ZIK1: variants seen among roughly 807,000 people sequenced by gnomAD.
ZIK1 encodes the protein zinc finger protein interacting with K protein 1.
In ZIK1, 12 loss-of-function variants were observed where a neutral mutation model predicts 10.7. The ratio of observed to expected loss-of-function variants is 1.12; its 90% CI spans 0.72 to 1.81. The LOEUF (loss-of-function observed/expected upper bound fraction) is 1.81, where lower values mean the gene tolerates loss of function less well. Ranked by LOEUF, ZIK1 falls within the 40% of genes most tolerant of loss-of-function variation. ZIK1 has a pLI of 0.00. For synonymous variants in ZIK1, 190 were observed against 205.0 expected, an observed-to-expected ratio of 0.93 and a Z score of 0.63; for missense variants, 497 against 585.7, an observed-to-expected ratio of 0.85 and a Z score of 1.56.
rs866201411 is a variant in ZIK1, at chr19:57,591,755, C to T, written c.*480C>T. 1 of 157,874 alleles carries T rather than the reference C, an allele frequency of 6.3e-6. No homozygotes were observed. The highest frequency in any genetic ancestry group is 2.4e-5 in the African/African-American group (1 of 41,472). The allele number at this position is 157,874 out of a possible 1,614,324, so 9.8% of individuals were successfully genotyped here. On this transcript the variant is annotated 3_prime_UTR_variant, in exon 4 of 4. Transcript: ENST00000597850. ...GACACTTGGTCATTCTTCCAGCCTC[C>T]ATGTCACCACGTGGTGAATGGCTGC...
chr19:57,589,690 C>T, intron 3 of ZIK1: 1 of 985,406 alleles, frequency 1.0e-6, no homozygotes, highest in Non-Finnish European at 1.2e-6. Context: ...AGACAAGGTC[C>T]TCCTGAAGAC....
At chr19:57,588,472 A>T (rs1476868628) in intron 2 of ZIK1, 67 bp from the exon 3 acceptor site, 1 of 1,367,292 alleles carries the variant, frequency 7.3e-7, no homozygotes, top group African/African-American at 1.5e-5. Flanking sequence ...TAAGGTGGGG[A>T]TGATTGCGTG....
chr19:57,589,696 A>G (rs776436935), intron 3 of ZIK1: 21 of 985,394 alleles, frequency 2.1e-5, no homozygotes, highest in Non-Finnish European at 2.5e-5. Context: ...GGTCCTCCTG[A>G]AGACTATGTG....
chr19:57,588,196 G>A (rs1287180396), intron 2 of ZIK1, among the ~76,000 whole-genome samples: 1 of 152,052 alleles, frequency 6.6e-6, no homozygotes, highest in South Asian at 2.1e-4. Context: ...ACATGGAGAG[G>A]GAGTGTGAAC....
chr19:57,584,194 T>G lies in ZIK1; in HGVS notation c.-163T>G. On this transcript the variant is annotated 5_prime_UTR_variant, in exon 1 of 4. Coordinates refer to ENST00000597850, the MANE Select transcript of ZIK1 (RefSeq NM_001010879.4). ...TGGGTGCATCCAGACCGTCAGAGCT[T>G]TGGGAGCGCTTTGTTTGGCGACAGT... 1.1e-5 allele frequency: 15 copies of G among 1,322,166 alleles called. No homozygotes were observed. The highest frequency in any genetic ancestry group is 2.7e-5 in the East Asian group (1 of 37,554). The allele number at this position is 1,322,166 out of a possible 1,614,324, so 81.9% of individuals were successfully genotyped here. A position where few individuals can be genotyped will look rare whatever the true frequency, so the allele number is the denominator to read the frequency against.
At position 57,591,913 on chromosome 19, in the gene ZIK1, G is replaced by T. The variant is rs1031347342; in HGVS notation, c.*638G>T. On this transcript the variant is annotated 3_prime_UTR_variant, in exon 4 of 4. Transcript: ENST00000597850. ...CTATATGAAGGAATGGATGGCTTTT[G>T]TGGGCCTCTGCAGGAAAGTAAGATG... 6.6e-6 allele frequency: 1 copy of T among 152,188 alleles called. No homozygotes were observed. The highest frequency in any genetic ancestry group is 1.5e-5 in the Non-Finnish European group (1 of 68,064). The allele number at this position is 152,188 out of a possible 1,614,324, so 9.4% of individuals were successfully genotyped here.
intron 1 of ZIK1, chr19:57,584,611 A>C (rs1978961006): frequency 7.2e-7 from 1 of 1,392,490 alleles, no homozygotes; most frequent in African/African-American, 1.5e-5. Flanking sequence ...TGGAGTGCCA[A>C]GGTGAGGAGT....
rs1979636574 is a variant in ZIK1, at chr19:57,590,927, T to G, written c.1116T>G (p.Ile372Met). ...CCATTCTTAATCAACACCGAAGAAT[T>G]CACACTGGAGCAAAGCCTTATGAGT... The part of the protein sequence containing the change: ...QSAILNQHRR[I>M]HTGAKPYECG... Residue 372 changes from isoleucine (I) to methionine (M), a missense_variant, in exon 4 of 4, where the codon ATT (isoleucine) becomes ATG (methionine). Coordinates refer to ENST00000597850, the MANE Select transcript of ZIK1 (RefSeq NM_001010879.4). The G allele has an allele frequency of 5.0e-6, 8 of 1,610,422 alleles. No homozygotes were observed. The highest frequency in any genetic ancestry group is 6.8e-6 in the Non-Finnish European group (8 of 1,179,016).
chr19:57,588,581 G>A lies in ZIK1; in HGVS notation c.115G>A (p.Asp39Asn). 1 of 1,581,956 alleles carries A rather than the reference G, an allele frequency of 6.3e-7. No individual in the cohort carries two copies. The highest frequency in any genetic ancestry group is 8.6e-7 in the Non-Finnish European group (1 of 1,161,148). ...GGACATCGCCATTTACTTCTCACAG[G>A]ACGAGTGGGGACTTCTTGATGAGGC... ...FEDIAIYFSQDEWGLLDEAQR... is the reference protein window; with the variant it reads ...FEDIAIYFSQNEWGLLDEAQR... Residue 39 changes from aspartate to asparagine, a missense_variant, in exon 3 of 4, where the codon GAC (aspartate) becomes AAC (asparagine). Transcript: ENST00000597850.
Position 57,589,658 on chromosome 19 carries a change from A to G in ZIK1, c.200-353A>G, listed in dbSNP as rs974505299. 99 of 985,432 alleles carry G rather than the reference A, an allele frequency of 1.0e-4. No individual in the cohort carries two copies. The African/African-American group carries it at 1.6e-3, about 16-fold the overall frequency. 61.0% of individuals were successfully genotyped at this position (985,432 alleles called of 1,614,324 possible). ...GGCTTGGGCACAGTCAACCTTCTGC[A>G]CAGCATGCAGGTGTCACCAGCAGAC... On this transcript the variant is annotated intron_variant, in intron 3 of 3. Coordinates refer to ENST00000597850, the MANE Select transcript of ZIK1 (RefSeq NM_001010879.4).
In ZIK1 at chr19:57,591,587, C is replaced by A; in HGVS notation, c.*312C>A. The A allele has an allele frequency of 3.0e-6, 1 of 332,932 alleles. No individual in the cohort carries two copies. The allele number at this position is 332,932 out of a possible 1,614,324, so 20.6% of individuals were successfully genotyped here. On this transcript the variant is annotated 3_prime_UTR_variant, in exon 4 of 4. Coordinates refer to ENST00000597850, the MANE Select transcript of ZIK1 (RefSeq NM_001010879.4). ...GTCTTTGGAGGAAATCTTGAGCAGT[C>A]TAAGCCTTTAGAGAAAATTCATTCT...
At position 57,591,169 on chromosome 19, in the gene ZIK1, A is replaced by AC. The variant is rs765160851; in HGVS notation, c.1360dup (p.Gln454ProfsTer11). 1 of 1,614,108 alleles carries AC rather than the reference A, an allele frequency of 6.2e-7. No individual in the cohort carries two copies. Among genetic ancestry groups the AC allele is most frequent in the African/African-American group, 1.3e-5 (1 of 74,920 alleles). On this transcript the variant is annotated frameshift_variant, in exon 4 of 4. Coordinates refer to ENST00000597850, the MANE Select transcript of ZIK1 (RefSeq NM_001010879.4). LOFTEE classifies it low-confidence loss of function (END_TRUNC). Reference sequence around the variant, plus strand: ...AGCCAAAAGTCTGGTCTCATTCAACACCAAGTGGTTCACACTGGAGAAAGG... The same window carrying AC: ...AGCCAAAAGTCTGGTCTCATTCAACACCCAAGTGGTTCACACTGGAGAAAGG...
intron 3 of ZIK1, chr19:57,589,331 CAT>C: frequency 1.0e-6 from 1 of 985,416 alleles, no homozygotes; most frequent in Non-Finnish European, 1.2e-6. Flanking sequence ...TTTCCGATCA[CAT>C]AAGGAGCCTG....
chr19:57,588,503 C>A, intron 2 of ZIK1, 36 bp from the exon 3 acceptor site: 1 of 1,398,826 alleles, frequency 7.1e-7, no homozygotes, highest in South Asian at 1.8e-5. Context: ...CTTGTGGAGG[C>A]GTTGATTGTG....
Position 57,584,311 on chromosome 19 carries a change from C to T in ZIK1, c.-46C>T, listed in dbSNP as rs763654914. 4.5e-6 allele frequency: 7 copies of T among 1,557,676 alleles called. No homozygotes were observed. The highest frequency in any genetic ancestry group is 1.2e-5 in the South Asian group (1 of 84,962). Reference sequence around the variant, plus strand: ...GTTGACGGCTTTGCCTAGGTCCCTCCGCCCGTAGCTGTCGGGTCCCGGCCC... The same window carrying T: ...GTTGACGGCTTTGCCTAGGTCCCTCTGCCCGTAGCTGTCGGGTCCCGGCCC... On this transcript the variant is annotated 5_prime_UTR_variant, in exon 1 of 4. Transcript: ENST00000597850.
chr19:57,588,276 G>A (rs186913221), intron 2 of ZIK1, among the ~76,000 whole-genome samples: 3 of 152,244 alleles, frequency 2.0e-5, no homozygotes, highest in Admixed American at 2.0e-4. Flanking sequence ...TTGTGTCTAG[G>A]AGGCACTATC....
In ZIK1 at chr19:57,591,895, A is replaced by C. The variant is rs1038249996; in HGVS notation, c.*620A>C. On this transcript the variant is annotated 3_prime_UTR_variant, in exon 4 of 4. Coordinates refer to ENST00000597850, the MANE Select transcript of ZIK1 (RefSeq NM_001010879.4). ...GGGAGACAGACTTCAACTCTATATG[A>C]AGGAATGGATGGCTTTTGTGGGCCT... 9.2e-5 allele frequency: 14 copies of C among 152,232 alleles called. No individual in the cohort carries two copies. Among genetic ancestry groups the C allele is most frequent in the African/African-American group, 3.4e-4 (14 of 41,422 alleles). 9.4% of individuals were successfully genotyped at this position (152,232 alleles called of 1,614,324 possible). A position where few individuals can be genotyped will look rare whatever the true frequency, so the allele number is the denominator to read the frequency against.
chr19:57,587,246 A>G (rs751645257), intron 2 of ZIK1, among the ~76,000 whole-genome samples: 3 of 152,214 alleles, frequency 2.0e-5, no homozygotes, highest in Admixed American at 6.5e-5. Context: ...GACGCAGCCA[A>G]ATCATATCAT....
intron 2 of ZIK1, among the ~76,000 whole-genome samples, chr19:57,585,781 T>C (rs754948750): frequency 2.0e-5 from 3 of 152,104 alleles, no homozygotes; most frequent in Non-Finnish European, 4.4e-5. Context: ...CGATCTTGGC[T>C]CTTTGCAACC....
Sources: gnomAD v4.1 joint callset for allele counts (sites outside exome capture counted in the v4.1 genomes callset) on GRCh38, gnomAD v4.1.1 for gene constraint, MANE v1.5 for transcripts, NCBI Gene and HGNC (gene_info 2026-07-23, HGNC 2026-07-21) for gene names.